PIAS2: variants seen among roughly 807,000 people sequenced by gnomAD.
The protein encoded by PIAS2 is protein inhibitor of activated STAT 2.
A neutral mutation model predicts 69.7 loss-of-function variants in PIAS2; 19 were observed. The ratio of observed to expected loss-of-function variants is 0.27; its 90% CI spans 0.19 to 0.40. The LOEUF is 0.40. Ranked by LOEUF, PIAS2 falls within the 10% of genes least tolerant of loss-of-function variation. PIAS2 has a pLI of 1.00. For missense variants in PIAS2, 624 were observed against 757.0 expected, an observed-to-expected ratio of 0.82 and a Z score of 2.06; for synonymous variants, 261 against 263.2, an observed-to-expected ratio of 0.99 and a Z score of 0.08.
chr18:46,898,383 A>G (rs2055236528), intron 1 of PIAS2, among the ~76,000 whole-genome samples: 1 of 152,090 alleles, frequency 6.6e-6, no homozygotes, highest in Non-Finnish European at 1.5e-5. Context: ...GCCTCAAGTG[A>G]TCCACCCACC....
At chr18:46,887,475 C>T (rs1355043447) in intron 2 of PIAS2, among the ~76,000 whole-genome samples, 4 of 152,176 alleles carry the variant, frequency 2.6e-5, no homozygotes, top group African/African-American at 9.7e-5. Flanking sequence ...CAATCTTCCA[C>T]ATCAACTATG....
chr18:46,917,128 G>T (rs2058048470), intron 1 of PIAS2, 194 bp downstream of exon 1: 9 of 999,918 alleles, frequency 9.0e-6, no homozygotes, highest in Non-Finnish European at 1.1e-5. Context: ...CGCCGCCCCC[G>T]CGCCGCCCGC....
intron 1 of PIAS2, chr18:46,907,613 T>C (rs1221178573): frequency 6.6e-6 from 1 of 152,172 alleles, no homozygotes; most frequent in East Asian, 1.9e-4. Flanking sequence ...ACATATCCAA[T>C]AACAAAAACC....
intron 1 of PIAS2, among the ~76,000 whole-genome samples, chr18:46,895,684 A>C (rs552786796): frequency 2.6e-4 from 40 of 152,266 alleles, no homozygotes; most frequent in African/African-American, 7.9e-4. Flanking sequence ...AAAGAATAAT[A>C]ATCATCTACA....
At chr18:46,918,864 T>C (rs1283788151), upstream of PIAS2, among the ~76,000 whole-genome samples, 1 of 152,116 alleles carries the variant, frequency 6.6e-6, no homozygotes, top group African/African-American at 2.4e-5. Flanking sequence ...CTCACCCACA[T>C]CCCACATTTT....
At chr18:46,917,940 C>T (rs1369476950), upstream of PIAS2, 1 of 152,184 alleles carries the variant, frequency 6.6e-6, no homozygotes, top group Non-Finnish European at 1.5e-5. Context: ...AGCTATTGTT[C>T]CCATCTAATG....
intron 3 of PIAS2, among the ~76,000 whole-genome samples, chr18:46,862,736 A>T (rs2048868164): frequency 6.6e-6 from 1 of 151,630 alleles, no homozygotes; most frequent in Non-Finnish European, 1.5e-5. Flanking sequence ...ATAGAGTTTC[A>T]CTCTTGTTGC....
At chr18:46,813,979 G>C (rs1301487232) in intron 13 of PIAS2, among the ~76,000 whole-genome samples, 1 of 152,104 alleles carries the variant, frequency 6.6e-6, no homozygotes, top group African/African-American at 2.4e-5. Context: ...GGTAAATCTA[G>C]AACAAAGCCC....
chr18:46,871,038 G>A (rs1033641818), intron 2 of PIAS2, among the ~76,000 whole-genome samples: 1 of 152,160 alleles, frequency 6.6e-6, no homozygotes, highest in Admixed American at 6.5e-5. Context: ...TAGAGAGGCT[G>A]AAAGAGCAAA....
At chr18:46,917,137 G>T in intron 1 of PIAS2, 185 bp downstream of exon 1, 1 of 1,014,286 alleles carries the variant, frequency 9.9e-7, no homozygotes, top group Non-Finnish European at 1.2e-6. Flanking sequence ...CGCGCCGCCC[G>T]CGTGCCCTCC....
chr18:46,888,822 T>C (rs562549604), intron 2 of PIAS2, among the ~76,000 whole-genome samples: 1 of 152,302 alleles, frequency 6.6e-6, no homozygotes, highest in East Asian at 1.9e-4. Context: ...GCTCACCTCC[T>C]GCTGCTCACC....
intron 2 of PIAS2, among the ~76,000 whole-genome samples, chr18:46,873,007 T>A (rs1409603069): frequency 6.6e-6 from 1 of 152,154 alleles, no homozygotes; most frequent in Non-Finnish European, 1.5e-5. Flanking sequence ...CTCAAGAACA[T>A]GGGGGCCACT....
Position 46,832,892 on chromosome 18 carries a change from C to CAAAAAAAAAAA in PIAS2, c.1203-3036_1203-3026dup, listed in dbSNP as rs34958166. Among the ~76,000 whole-genome samples the CAAAAAAAAAAA allele has an allele frequency of 4.5e-3, 475 of 105,710 alleles. 7 individuals are homozygous for CAAAAAAAAAAA. The highest frequency in any genetic ancestry group is 0.01 in the African/African-American group (286 of 27,332). 69.3% of individuals were successfully genotyped at this position (105,710 alleles called of 152,430 possible). ...GGGCAACAGAGCAAGCCTCTGTCTC[C>CAAAAAAAAAAA]AAAAAAAAAAAAAAAAAGAGAAGCC... On this transcript the variant is annotated intron_variant, in intron 9 of 13. Coordinates refer to ENST00000585916, the MANE Select transcript of PIAS2 (RefSeq NM_004671.5).
chr18:46,844,164 T>A (rs759772708), intron 7 of PIAS2, 37 bp from the exon 8 acceptor site: 2 of 1,071,156 alleles, frequency 1.9e-6, no homozygotes, highest in Non-Finnish European at 2.7e-6. Flanking sequence ...TTTAAAAAAA[T>A]TAAGGGTGAC....
In PIAS2 at chr18:46,808,335, A is replaced by G. The variant is rs2144671129; in HGVS notation, c.*4098T>C. The G allele has an allele frequency of 6.6e-6, 1 of 152,370 alleles. No homozygotes were observed. The highest frequency in any genetic ancestry group is 2.4e-5 in the African/African-American group (1 of 41,588). 9.4% of individuals were successfully genotyped at this position (152,370 alleles called of 1,614,324 possible). On this transcript the variant is annotated 3_prime_UTR_variant, in exon 14 of 14. Transcript: ENST00000585916. Reference sequence around the variant, plus strand: ...TGTATTGTCTAAATTTTCCACAATAAGCATGTACTACTGACATAAACAGAA... The same window carrying G: ...TGTATTGTCTAAATTTTCCACAATAGGCATGTACTACTGACATAAACAGAA...
intron 2 of PIAS2, among the ~76,000 whole-genome samples, chr18:46,882,432 G>A (rs894075910): frequency 6.6e-6 from 1 of 152,120 alleles, no homozygotes; most frequent in African/African-American, 2.4e-5. Context: ...ACAAATTGGT[G>A]CAATGCTGTG....
At chr18:46,871,582 A>T (rs2050365983) in intron 2 of PIAS2, among the ~76,000 whole-genome samples, 1 of 152,182 alleles carries the variant, frequency 6.6e-6, no homozygotes, top group South Asian at 2.1e-4. Context: ...CTTGAATTCT[A>T]CCAAGAGCCC....
chr18:46,885,140 T>G (rs186614255), intron 2 of PIAS2, among the ~76,000 whole-genome samples: 119 of 152,098 alleles, frequency 7.8e-4, no homozygotes, highest in Admixed American at 7.5e-3. Flanking sequence ...CTTCAAGTGA[T>G]AAAAAAAATT....
At chr18:46,822,030 G>A (rs764574205) in intron 11 of PIAS2, among the ~76,000 whole-genome samples, 37 of 152,134 alleles carry the variant, frequency 2.4e-4, no homozygotes, top group Non-Finnish European at 5.0e-4. Flanking sequence ...TGGTCTTATG[G>A]TTGATGGTGG....
Sources: allele counts gnomAD v4.1 joint callset (sites outside exome capture counted in the v4.1 genomes callset), GRCh38; gene constraint gnomAD v4.1.1; transcripts MANE v1.5; gene names NCBI Gene and HGNC (gene_info 2026-07-23, HGNC 2026-07-21).